The following ENTPD6 variants were observed in gnomAD, a reference collection of about 807,000 sequenced individuals.
ENTPD6 encodes CD39 antigen-like 2.
In ENTPD6, 46 loss-of-function variants were observed where a neutral mutation model predicts 61.5. The observed-to-expected ratio is 0.75, with a 90% confidence interval of 0.59 to 0.96. The LOEUF is 0.96. Among genes scored for constraint, ENTPD6 ranks in the 40% least tolerant of loss-of-function variants. The probability of loss-of-function intolerance (pLI) is 0.00; values close to 1 mark genes in which losing one functional copy is unlikely to be tolerated. For missense variants in ENTPD6, 612 were observed against 629.0 expected, an observed-to-expected ratio of 0.97 and a Z score of 0.29; for synonymous variants, 252 against 255.5, an observed-to-expected ratio of 0.99 and a Z score of 0.13.
chr20:25,200,706 G>T (rs1009361262), intron 1 of ENTPD6, among the ~76,000 whole-genome samples: 1 of 151,694 alleles, frequency 6.6e-6, no homozygotes, highest in African/African-American at 2.4e-5. Flanking sequence ...CTAGCTAAAG[G>T]TTTGACAGTT....
intron 14 of ENTPD6, 41 bp downstream of exon 14, chr20:25,225,358 GT>G: frequency 6.2e-7 from 1 of 1,608,670 alleles, no homozygotes; most frequent in Non-Finnish European, 8.5e-7. Context: ...CCTTTATGGA[GT>G]GAGGGGCCTA....
At chr20:25,207,924 G>A (rs1471770722) in intron 3 of ENTPD6, among the ~76,000 whole-genome samples, 1 of 152,200 alleles carries the variant, frequency 6.6e-6, no homozygotes, top group Non-Finnish European at 1.5e-5. Context: ...GCCTCAGGCC[G>A]GGGTGGGCGG....
At chr20:25,210,335 A>C (rs972161489) in intron 4 of ENTPD6, among the ~76,000 whole-genome samples, 1 of 152,190 alleles carries the variant, frequency 6.6e-6, no homozygotes, top group African/African-American at 2.4e-5. Context: ...AAGATAGCAA[A>C]CATTGACTGA....
chr20:25,198,086 A>G (rs1465000985), intron 1 of ENTPD6, among the ~76,000 whole-genome samples: 1 of 152,162 alleles, frequency 6.6e-6, no homozygotes, highest in Non-Finnish European at 1.5e-5. Context: ...ATGGGTAGAC[A>G]GTAAATAAGG....
At chr20:25,225,115 C>A (rs1330835394) in intron 13 of ENTPD6, 90 bp from the exon 14 acceptor site, 3 of 1,520,372 alleles carry the variant, frequency 2.0e-6, no homozygotes, top group South Asian at 1.2e-5. Context: ...CCAGCGGGTG[C>A]CTGTAGTGGG....
chr20:25,204,706 T>C (rs888437817), intron 1 of ENTPD6, among the ~76,000 whole-genome samples: 5 of 152,098 alleles, frequency 3.3e-5, no homozygotes, highest in African/African-American at 1.2e-4. Flanking sequence ...CAAGACAGAT[T>C]AGGATGTTGC....
At chr20:25,209,999 G>T (rs1301397439) in intron 4 of ENTPD6, 74 bp downstream of exon 4, 10 of 1,315,802 alleles carry the variant, frequency 7.6e-6, no homozygotes, top group Non-Finnish European at 1.1e-5. Flanking sequence ...TTTGAATGTG[G>T]TAGGCTGTCT....
At chr20:25,214,764 TCTC>T (rs767384990) in intron 5 of ENTPD6, 100 bp from the exon 6 acceptor site, 99 of 743,370 alleles carry the variant, frequency 1.3e-4, no homozygotes, top group Non-Finnish European at 2.1e-4. Context: ...TTTTCGTTCT[TCTC>T]CACCCACACT....
intron 3 of ENTPD6, 134 bp from the exon 4 acceptor site, chr20:25,209,715 A>G (rs2122839656): frequency 1.4e-6 from 1 of 696,154 alleles, no homozygotes; most frequent in South Asian, 1.8e-5. Context: ...GACAAGGAAT[A>G]GCTGAAGGGC....
intron 2 of ENTPD6, 73 bp downstream of exon 2, chr20:25,206,663 G>A: frequency 9.3e-7 from 1 of 1,070,944 alleles, no homozygotes; most frequent in Non-Finnish European, 1.5e-6. Context: ...TGCCTGAATA[G>A]AAGTATAACT....
In ENTPD6 at chr20:25,227,691, C is replaced by T. The variant is rs2092819536; in HGVS notation, c.*2094C>T. ...CCCACATGCCACCCCAGCCCGCGTACCCCACATCACTTAGCACCCATTGCT... is the reference window on the plus strand; with the variant it reads ...CCCACATGCCACCCCAGCCCGCGTATCCCACATCACTTAGCACCCATTGCT... On this transcript the variant is annotated 3_prime_UTR_variant, in exon 15 of 15. Transcript: ENST00000376652. 6.6e-6 allele frequency among the ~76,000 whole-genome samples: 1 copy of T among 152,248 alleles called. No individual in the cohort carries two copies. The highest frequency in any genetic ancestry group is 1.9e-4 in the East Asian group (1 of 5,202).
chr20:25,198,337 G>C (rs187986643), intron 1 of ENTPD6, among the ~76,000 whole-genome samples: 4 of 152,238 alleles, frequency 2.6e-5, no homozygotes, highest in Admixed American at 1.3e-4. Context: ...TTAGCTGGGC[G>C]TGGTGGTGCA....
chr20:25,200,419 TTTAG>T (rs1487880511), intron 1 of ENTPD6, among the ~76,000 whole-genome samples: 1 of 152,188 alleles, frequency 6.6e-6, no homozygotes, highest in East Asian at 1.9e-4. Context: ...GTAGAAGCCA[TTTAG>T]TTAATGTAAT....
rs1239551003 is a variant in ENTPD6 at position 25,225,704 on chromosome 20, C to T, written c.*107C>T. ...GGAGCCACAGCACAGGCCGTGCTGG[C>T]ACTTTCTGCACACTGGCTCTGGGAC... On this transcript the variant is annotated 3_prime_UTR_variant, in exon 15 of 15. Transcript: ENST00000376652. 1 of 862,804 alleles carries T rather than the reference C, an allele frequency of 1.2e-6. No homozygotes were observed. Among genetic ancestry groups the T allele is most frequent in the Non-Finnish European group, 1.8e-6 (1 of 540,652 alleles). The allele number at this position is 862,804 out of a possible 1,614,324, so 53.4% of individuals were successfully genotyped here.
intron 1 of ENTPD6, among the ~76,000 whole-genome samples, chr20:25,197,496 CAA>C (rs1261549946): frequency 6.6e-6 from 1 of 152,210 alleles, no homozygotes; most frequent in Non-Finnish European, 1.5e-5. Flanking sequence ...TTGTTTTCCT[CAA>C]AGAGTCTGTC....
chr20:25,216,844 G>A (rs1373646173), intron 8 of ENTPD6, 108 bp downstream of exon 8: 20 of 689,312 alleles, frequency 2.9e-5, no homozygotes, highest in Non-Finnish European at 4.3e-5. Flanking sequence ...GGGGGGTGGG[G>A]TTGGCCAGGT....
At position 25,222,851 on chromosome 20, in the gene ENTPD6, C is replaced by T. The variant is rs375550123; in HGVS notation, c.1059C>T (p.His353=). Residue 353 remains histidine, a synonymous_variant, in exon 12 of 15, where the codon CAC becomes CAT. Transcript: ENST00000376652. ...GCTTGTCCCCAGCGGCAAGCCTGCA[C>T]GAGCTGTGTGCTGCCAGAGTGTCAG... ...VSGQKAAASL[H]ELCAARVSEV... is the part of the protein sequence containing the mutation. 5.1e-5 allele frequency: 83 copies of T among 1,613,832 alleles called. 1 individual carries two copies. Among genetic ancestry groups the T allele is most frequent in the Middle Eastern group, 1.7e-4 (1 of 5,952 alleles).
intron 4 of ENTPD6, among the ~76,000 whole-genome samples, chr20:25,211,812 CTA>C (rs1466844046): frequency 3.3e-5 from 5 of 152,158 alleles, no homozygotes; most frequent in African/African-American, 1.2e-4. Context: ...GATGAAGTCT[CTA>C]TTTTTTTTCC....
chr20:25,216,812 C>G, intron 8 of ENTPD6, 76 bp downstream of exon 8: 1 of 647,078 alleles, frequency 1.5e-6, no homozygotes, highest in Non-Finnish European at 2.4e-6. Flanking sequence ...GTGGGGCCTG[C>G]TGAGGTGCTG....
Sources: gnomAD v4.1 joint callset for allele counts (sites outside exome capture counted in the v4.1 genomes callset) on GRCh38, gnomAD v4.1.1 for gene constraint, MANE v1.5 for transcripts, NCBI Gene and HGNC (gene_info 2026-07-23, HGNC 2026-07-21) for gene names.